The following GRIN2B variants were observed in gnomAD, a reference collection of about 807,000 sequenced individuals.
The protein encoded by GRIN2B is glutamate ionotropic receptor NMDA type subunit 2B, also known as glutamate receptor ionotropic, NMDA 2B.
A neutral mutation model predicts 114.5 loss-of-function variants in GRIN2B; 5 were observed. The ratio of observed to expected loss-of-function variants is 0.04; its 90% CI spans 0.02 to 0.09. The LOEUF is 0.09. Among genes scored for constraint, GRIN2B ranks in the 10% least tolerant of loss-of-function variants. GRIN2B has a pLI of 1.00. For synonymous variants in GRIN2B, 787 were observed against 745.1 expected (o/e 1.06, Z -0.92); for missense variants, 1,108 against 1,943.5 (o/e 0.57, Z 8.08).
intron 9 of GRIN2B, among the ~76,000 whole-genome samples, chr12:13,609,113 A>G (rs1358695863): frequency 6.6e-6 from 1 of 152,200 alleles, no homozygotes; most frequent in Non-Finnish European, 1.5e-5. Context: ...TGGAGGAGCC[A>G]TCAACCTGCC....
chr12:13,643,235 A>T (rs1243355476), intron 5 of GRIN2B, among the ~76,000 whole-genome samples: 1 of 152,108 alleles, frequency 6.6e-6, no homozygotes, highest in Admixed American at 6.6e-5. Flanking sequence ...TACCTAGGAG[A>T]TATTACAGGT....
intron 10 of GRIN2B, among the ~76,000 whole-genome samples, chr12:13,599,102 A>T (rs1949116515): frequency 6.6e-6 from 1 of 152,202 alleles, no homozygotes; most frequent in Admixed American, 6.5e-5. Flanking sequence ...CCTGAGTGGC[A>T]CTGGAGTAAA....
At chr12:13,721,953 G>A (rs1862891704) in intron 4 of GRIN2B, among the ~76,000 whole-genome samples, 1 of 152,138 alleles carries the variant, frequency 6.6e-6, no homozygotes, top group South Asian at 2.1e-4. Context: ...GTAGCTTCGT[G>A]AATATCAAGA....
chr12:13,898,140 T>C (rs1052768330), intron 2 of GRIN2B, among the ~76,000 whole-genome samples: 3 of 152,116 alleles, frequency 2.0e-5, no homozygotes, highest in Non-Finnish European at 4.4e-5. Flanking sequence ...AGGGGTTAAG[T>C]GTGTTACTCT....
chr12:13,592,596 G>C (rs909554988), intron 10 of GRIN2B, among the ~76,000 whole-genome samples: 1 of 152,186 alleles, frequency 6.6e-6, no homozygotes, highest in Admixed American at 6.5e-5. Context: ...ACAAAGGCCA[G>C]AAATGGGTAA....
chr12:13,843,125 A>C (rs1255879354), intron 3 of GRIN2B, among the ~76,000 whole-genome samples: 2 of 149,488 alleles, frequency 1.3e-5, no homozygotes, highest in African/African-American at 4.9e-5. Context: ...AAAAAAAAAA[A>C]AACACTGCTT....
chr12:13,920,608 G>A (rs1866806679), intron 2 of GRIN2B, among the ~76,000 whole-genome samples: 1 of 152,164 alleles, frequency 6.6e-6, no homozygotes, highest in Non-Finnish European at 1.5e-5. Context: ...GATCCCAGCA[G>A]TGAGAGGCTC....
intron 3 of GRIN2B, among the ~76,000 whole-genome samples, chr12:13,763,243 G>A (rs1159044377): frequency 1.3e-5 from 2 of 152,140 alleles, no homozygotes; most frequent in African/African-American, 4.8e-5. Context: ...GATAGGCCAA[G>A]TACTGTCCTC....
intron 4 of GRIN2B, among the ~76,000 whole-genome samples, chr12:13,679,003 G>A (rs1282449302): frequency 1.3e-5 from 2 of 150,202 alleles, no homozygotes; most frequent in Non-Finnish European, 3.0e-5. Context: ...GAAAGAGGAA[G>A]GAAAGAAGGA....
chr12:13,635,114 C>T (rs151188865), intron 5 of GRIN2B, among the ~76,000 whole-genome samples: 2 of 152,116 alleles, frequency 1.3e-5, no homozygotes, highest in South Asian at 2.1e-4. Context: ...GTGCCTGGGC[C>T]AACAGAGGGT....
chr12:13,668,038 C>T (rs1390184522), intron 5 of GRIN2B, among the ~76,000 whole-genome samples: 2 of 152,082 alleles, frequency 1.3e-5, no homozygotes, highest in African/African-American at 4.8e-5. Flanking sequence ...GTTTAGAGGA[C>T]TCAGGGACAA....
chr12:13,754,820 G>A (rs1479441833), intron 3 of GRIN2B, among the ~76,000 whole-genome samples: 4 of 152,030 alleles, frequency 2.6e-5, no homozygotes, highest in Non-Finnish European at 5.9e-5. Flanking sequence ...ACACCCTCCC[G>A]TGTCAATTTT....
At chr12:13,751,891 G>A (rs879807310) in intron 4 of GRIN2B, among the ~76,000 whole-genome samples, 1 of 152,160 alleles carries the variant, frequency 6.6e-6, no homozygotes, top group African/African-American at 2.4e-5. Flanking sequence ...ACAGGAGTGT[G>A]CTAAGGAGCC....
At chr12:13,748,235 A>T (rs773611965) in intron 4 of GRIN2B, among the ~76,000 whole-genome samples, 4 of 152,230 alleles carry the variant, frequency 2.6e-5, no homozygotes, top group Admixed American at 6.5e-5. Context: ...CTATATTAAG[A>T]TCCATCTATC....
At chr12:13,630,401 C>T (rs907989162) in intron 5 of GRIN2B, among the ~76,000 whole-genome samples, 10 of 152,112 alleles carry the variant, frequency 6.6e-5, no homozygotes, top group African/African-American at 2.4e-4. Flanking sequence ...GTATTCATGC[C>T]CTTTTCCAAT....
chr12:13,961,774 C>G (rs1048644763), intron 2 of GRIN2B, among the ~76,000 whole-genome samples: 1 of 152,066 alleles, frequency 6.6e-6, no homozygotes, highest in Non-Finnish European at 1.5e-5. Context: ...GTAGGTCCAG[C>G]GGAATGGCAG....
intron 5 of GRIN2B, among the ~76,000 whole-genome samples, chr12:13,638,739 G>A (rs1474960563): frequency 1.3e-5 from 2 of 152,078 alleles, no homozygotes; most frequent in African/African-American, 4.8e-5. Context: ...TGGAAAATAA[G>A]GTTGGCGGAA....
At chr12:13,925,565 G>A (rs1313235056) in intron 2 of GRIN2B, among the ~76,000 whole-genome samples, 2 of 152,032 alleles carry the variant, frequency 1.3e-5, no homozygotes, top group African/African-American at 4.8e-5. Context: ...CTGGACAGTG[G>A]CACCAGATGC....
chr12:13,888,921 A>C (rs1191277864), intron 2 of GRIN2B, among the ~76,000 whole-genome samples: 1 of 152,136 alleles, frequency 6.6e-6, no homozygotes, highest in Middle Eastern at 3.2e-3. Context: ...AGACTTCATA[A>C]ACATTGAATA....
Sources: allele counts gnomAD v4.1 joint callset (sites outside exome capture counted in the v4.1 genomes callset), GRCh38; gene constraint gnomAD v4.1.1; transcripts MANE v1.5; gene names NCBI Gene and HGNC (gene_info 2026-07-23, HGNC 2026-07-21).